POMK: variants seen among roughly 807,000 people sequenced by gnomAD.
POMK encodes the protein Sugen kinase 196.
In POMK, 19 loss-of-function variants were observed where a neutral mutation model predicts 23.0. The ratio of observed to expected loss-of-function variants is 0.83; its 90% CI spans 0.58 to 1.21. POMK has a LOEUF of 1.21. Among genes scored for constraint, POMK ranks in the 50% most tolerant of loss-of-function variants. POMK has a pLI of 0.00. For synonymous variants in POMK, 173 were observed against 171.6 expected (o/e 1.01, Z -0.06); for missense variants, 410 against 431.3 (o/e 0.95, Z 0.44).
chr8:43,110,531 T>C (rs1367189218), intron 4 of POMK, among the ~76,000 whole-genome samples: 1 of 152,258 alleles, frequency 6.6e-6, no homozygotes, highest in African/African-American at 2.4e-5. Flanking sequence ...ATCTACAACA[T>C]GCTTGGACTT....
At chr8:43,114,689 C>G (rs1811757014) in intron 4 of POMK, among the ~76,000 whole-genome samples, 1 of 152,256 alleles carries the variant, frequency 6.6e-6, no homozygotes, top group South Asian at 2.1e-4. Flanking sequence ...GCAGAAATCA[C>G]CTGTCTTCTG....
chr8:43,111,981 A>G (rs1563339761), intron 4 of POMK, among the ~76,000 whole-genome samples: 1 of 152,254 alleles, frequency 6.6e-6, no homozygotes, highest in Non-Finnish European at 1.5e-5. Flanking sequence ...ACAGAGCAGA[A>G]AAACTGGAAA....
intron 4 of POMK, among the ~76,000 whole-genome samples, chr8:43,120,315 C>T (rs910576462): frequency 5.3e-5 from 8 of 151,800 alleles, no homozygotes; most frequent in Non-Finnish European, 1.2e-4. Flanking sequence ...GGGGTTCAAG[C>T]TACTCTTCTG....
rs770070626 is a variant in POMK at position 43,122,405 on chromosome 8, A to G, written c.581A>G (p.His194Arg). ...DYVSIINYLH[H>R]SPVGTRVMCD... ...GTCAGCATCATTAATTACCTGCACC[A>G]CAGCCCTGTGGGCACACGGGTCATG... The change falls in exon 5 of 5, where the codon CAC becomes CGC. Residue 194 changes from histidine (H) to arginine (R), a missense_variant. Physicochemically the swap from His to Arg is conservative, Grantham distance 29. Transcript: ENST00000331373. 1 of 1,614,208 alleles carries G rather than the reference A, an allele frequency of 6.2e-7. No individual in the cohort carries two copies. The highest frequency in any genetic ancestry group is 8.5e-7 in the Non-Finnish European group (1 of 1,180,038).
intron 4 of POMK, among the ~76,000 whole-genome samples, chr8:43,113,458 C>T (rs1230157241): frequency 1.3e-5 from 2 of 152,196 alleles, no homozygotes; most frequent in African/African-American, 4.8e-5. Flanking sequence ...GCTTTCAGCT[C>T]CATCAGCTCC....
At chr8:43,102,997 C>G (rs1811474513) in intron 3 of POMK, among the ~76,000 whole-genome samples, 1 of 152,212 alleles carries the variant, frequency 6.6e-6, no homozygotes, top group African/African-American at 2.4e-5. Flanking sequence ...TCTTTCACCC[C>G]AAATCTACCT....
At chr8:43,100,340 A>C (rs901125133) in intron 2 of POMK, among the ~76,000 whole-genome samples, 1 of 152,018 alleles carries the variant, frequency 6.6e-6, no homozygotes, top group South Asian at 2.1e-4. Flanking sequence ...TGGGTGTATC[A>C]CAGGGGTAGG....
chr8:43,096,726 T>A (rs1563335026), intron 1 of POMK, among the ~76,000 whole-genome samples: 2 of 152,202 alleles, frequency 1.3e-5, no homozygotes, highest in East Asian at 3.8e-4. Context: ...CAGAGAAACT[T>A]CCATGTATGC....
At chr8:43,104,269 T>C (rs1413562350) in intron 4 of POMK, among the ~76,000 whole-genome samples, 1 of 152,082 alleles carries the variant, frequency 6.6e-6, no homozygotes, top group African/African-American at 2.4e-5. Context: ...ACTATGGGCA[T>C]ATGCCACCAC....
Position 43,123,057 on chromosome 8 carries a change from A to ATTTTTTTTTT in POMK, c.*184_*193dup, listed in dbSNP as rs370821504. ...GTATGTAGTCCACATTGGTTGTTAG[A>ATTTTTTTTTT]TTTTTTTTTTTTTCTTTGAGATGCG... is the stretch of plus-strand genomic sequence containing the variant. On this transcript the variant is annotated 3_prime_UTR_variant, in exon 5 of 5. Transcript: ENST00000331373. The ATTTTTTTTTT allele has an allele frequency of 2.5e-6, 1 of 403,348 alleles. No homozygotes were observed. 25.0% of individuals were successfully genotyped at this position (403,348 alleles called of 1,614,324 possible). A position where few individuals can be genotyped will look rare whatever the true frequency, so the allele number is the denominator to read the frequency against.
chr8:43,105,030 A>G (rs1040508605), intron 4 of POMK, among the ~76,000 whole-genome samples: 1 of 152,058 alleles, frequency 6.6e-6, no homozygotes, highest in African/African-American at 2.4e-5. Flanking sequence ...CTGTGATGGT[A>G]TTATACTGAT....
At chr8:43,109,201 G>A (rs1409612684) in intron 4 of POMK, among the ~76,000 whole-genome samples, 1 of 152,092 alleles carries the variant, frequency 6.6e-6, no homozygotes, top group African/African-American at 2.4e-5. Context: ...GGAGTCTTAG[G>A]TTTCCGTAAG....
chr8:43,099,087 T>C (rs796758489), intron 2 of POMK, among the ~76,000 whole-genome samples: 3 of 152,286 alleles, frequency 2.0e-5, no homozygotes, highest in African/African-American at 7.2e-5. Context: ...GCTGGGCCTA[T>C]AGGCACAGGC....
intron 4 of POMK, among the ~76,000 whole-genome samples, chr8:43,107,393 G>A (rs1586673350): frequency 6.6e-6 from 1 of 151,414 alleles, no homozygotes; most frequent in Non-Finnish European, 1.5e-5. Flanking sequence ...TTTTTTTTCC[G>A]AGATGGAGCC....
chr8:43,119,883 A>G (rs1194449151), intron 4 of POMK, among the ~76,000 whole-genome samples: 3 of 151,836 alleles, frequency 2.0e-5, no homozygotes, highest in Non-Finnish European at 4.4e-5. Flanking sequence ...TAGATCCAGA[A>G]AAGATCTTCA....
intron 4 of POMK, among the ~76,000 whole-genome samples, chr8:43,109,541 T>A (rs1171840726): frequency 6.6e-6 from 1 of 152,134 alleles, no homozygotes; most frequent in Non-Finnish European, 1.5e-5. Flanking sequence ...AAGATTTTTT[T>A]TTTATTTTTT....
chr8:43,106,856 C>G (rs1811554338), intron 4 of POMK, among the ~76,000 whole-genome samples: 1 of 152,134 alleles, frequency 6.6e-6, no homozygotes, highest in Non-Finnish European at 1.5e-5. Flanking sequence ...TTTGTAGCAT[C>G]TTATTCTTAA....
intron 4 of POMK, among the ~76,000 whole-genome samples, chr8:43,116,132 T>C (rs1477692665): frequency 1.3e-5 from 2 of 152,284 alleles, no homozygotes; most frequent in Non-Finnish European, 2.9e-5. Flanking sequence ...ATACATTTCC[T>C]ATTTACTTTA....
chr8:43,094,896 C>G (rs1811301426), intron 1 of POMK, among the ~76,000 whole-genome samples: 1 of 152,180 alleles, frequency 6.6e-6, no homozygotes, highest in Non-Finnish European at 1.5e-5. Flanking sequence ...ATCTTTATTC[C>G]TTAATGTGCA....
Sources: gnomAD v4.1 joint callset for allele counts (sites outside exome capture counted in the v4.1 genomes callset) on GRCh38, gnomAD v4.1.1 for gene constraint, MANE v1.5 for transcripts, NCBI Gene and HGNC (gene_info 2026-07-23, HGNC 2026-07-21) for gene names.